The following KERA variants were observed in gnomAD, a reference collection of about 807,000 sequenced individuals.
KERA encodes keratocan.
In KERA, 25 loss-of-function variants were observed where a neutral mutation model predicts 26.4. That is an observed-to-expected ratio of 0.95 (90% CI 0.69 to 1.32). The LOEUF (loss-of-function observed/expected upper bound fraction) is 1.32. KERA is among the 40% of genes most tolerant of loss of function. The probability of loss-of-function intolerance (pLI) is 0.00; values close to 1 mark genes in which losing one functional copy is unlikely to be tolerated. For missense variants in KERA, 434 were observed against 408.9 expected (o/e 1.06, Z -0.53); for synonymous variants, 167 against 146.1 (o/e 1.14, Z -1.03).
Position 91,055,743 on chromosome 12 carries a change from T to C in KERA, c.539A>G (p.Asp180Gly). The change falls in exon 2 of 3, where the codon GAC becomes GGC. Residue 180 changes from aspartate (D) to glycine (G), a missense_variant. Coordinates refer to ENST00000266719, the MANE Select transcript of KERA (RefSeq NM_007035.4). ...AAAAGTGTCTCTTTGAAAGGCATTG[T>C]CCACTAATTTGTTGTTCTGTAGGTC... The part of the protein sequence containing the change: ...LLDLQNNKLV[D>G]NAFQRDTFKG... The C allele has an allele frequency of 6.2e-7, 1 of 1,611,508 alleles. No individual in the cohort carries two copies. Among genetic ancestry groups the C allele is most frequent in the Admixed American group, 1.7e-5 (1 of 59,742 alleles).
rs1878868265 is a variant in KERA, at chr12:91,051,537, TA to T, written c.887-20del. 17 of 1,572,926 alleles carry T rather than the reference TA, an allele frequency of 1.1e-5. No individual in the cohort carries two copies. The highest frequency in any genetic ancestry group is 1.3e-5 in the Non-Finnish European group (15 of 1,143,410). The stretch of plus-strand genomic sequence containing the variant: ...TTCACACCTACAGTGACAAAGAGAA[TA>T]GATGAATGAATTGGAACACAAGAGA... On this transcript the variant is annotated intron_variant, in intron 2 of 2. Transcript: ENST00000266719.
In KERA at chr12:91,051,429, G is replaced by C. The variant is rs775457945; in HGVS notation, c.976C>G (p.Arg326Gly). ...GGTTTGATTTCATTTCCATCCAGAC[G>C]GAGGTAGCGAAGATGAGGTCCATAA... Reference protein sequence around the residue: ...FSYGPHLRYLRLDGNEIKPPI... With the variant: ...FSYGPHLRYLGLDGNEIKPPI... The change falls in exon 3 of 3, where the codon CGT (arginine) becomes GGT (glycine). Residue 326 changes from arginine (R) to glycine (G), a missense_variant. Coordinates refer to ENST00000266719, the MANE Select transcript of KERA (RefSeq NM_007035.4). 15 of 1,610,902 alleles carry C rather than the reference G, an allele frequency of 9.3e-6. No individual in the cohort carries two copies. Among genetic ancestry groups the C allele is most frequent in the Non-Finnish European group, 1.3e-5 (15 of 1,177,796 alleles).
In KERA at chr12:91,055,751, T is replaced by C. The variant is rs755510675; in HGVS notation, c.531A>G (p.Lys177=). The change falls in exon 2 of 3, where the codon AAA becomes AAG. Residue 177 remains lysine, a synonymous_variant. Transcript: ENST00000266719. ...NLTLLDLQNN[K]LVDNAFQRDT... is the part of the protein sequence containing the mutation. Reference sequence around the variant, plus strand: ...CTCTTTGAAAGGCATTGTCCACTAATTTGTTGTTCTGTAGGTCAAGAAGGG... The same window carrying C: ...CTCTTTGAAAGGCATTGTCCACTAACTTGTTGTTCTGTAGGTCAAGAAGGG... 1 of 1,611,424 alleles carries C rather than the reference T, an allele frequency of 6.2e-7. No homozygotes were observed. Among genetic ancestry groups the C allele is most frequent in the Non-Finnish European group, 8.5e-7 (1 of 1,178,236 alleles).
intron 2 of KERA, among the ~76,000 whole-genome samples, chr12:91,054,406 C>A (rs1317208714): frequency 6.6e-6 from 1 of 151,304 alleles, no homozygotes; most frequent in Non-Finnish European, 1.5e-5. Flanking sequence ...CTGGAGAAAT[C>A]TCCCCAGAGT....
In KERA at chr12:91,055,463, T is replaced by C. The variant is rs1014044908; in HGVS notation, c.819A>G (p.Gln273=). ...SILDLQLSHN[Q]LTKVPRISAH... is the part of the protein sequence containing the mutation. Reference sequence around the variant, plus strand: ...CACTGATTCGGGGAACCTTTGTGAGTTGATTGTGCGACAGTTGAAGATCTA... The same window carrying C: ...CACTGATTCGGGGAACCTTTGTGAGCTGATTGTGCGACAGTTGAAGATCTA... The change falls in exon 2 of 3, where the codon CAA becomes CAG. Residue 273 remains glutamine, a synonymous_variant. Transcript: ENST00000266719. The C allele has an allele frequency of 1.2e-6, 2 of 1,610,326 alleles. No individual in the cohort carries two copies. Among genetic ancestry groups the C allele is most frequent in the Admixed American group, 1.7e-5 (1 of 59,656 alleles).
Position 91,056,265 on chromosome 12 carries a change from C to T in KERA, c.17G>A (p.Cys6Tyr). MAGTI[C>Y]FIMWVLFITD... ...TATGAATAACACCCACATGATGAAA[C>T]AGATTGTGCCTGCCATTATAGCACC... Residue 6 changes from cysteine (C) to tyrosine (Y), a missense_variant, in exon 2 of 3, where the codon TGT becomes TAT. Coordinates refer to ENST00000266719, the MANE Select transcript of KERA (RefSeq NM_007035.4). 6.2e-7 allele frequency: 1 copy of T among 1,609,166 alleles called. No individual in the cohort carries two copies. Among genetic ancestry groups the T allele is most frequent in the South Asian group, 1.1e-5 (1 of 90,946 alleles).
chr12:91,052,648 C>T (rs542089220), intron 2 of KERA, among the ~76,000 whole-genome samples: 2 of 151,464 alleles, frequency 1.3e-5, no homozygotes, highest in African/African-American at 4.8e-5. Flanking sequence ...CAGGCTTTAT[C>T]AGCCAATATT....
chr12:91,056,977 T>TC (rs1555186013), intron 1 of KERA, among the ~76,000 whole-genome samples: 11,717 of 147,014 alleles, frequency 0.08, 702 homozygotes, highest in African/African-American at 0.17. Flanking sequence ...CTCTCTCCCT[T>TC]TCTCTCTCTC....
intron 2 of KERA, among the ~76,000 whole-genome samples, chr12:91,052,547 A>G (rs1878893531): frequency 6.6e-6 from 1 of 151,548 alleles, no homozygotes; most frequent in South Asian, 2.1e-4. Context: ...TGAATTTAAT[A>G]AAAATAATGA....
In KERA at chr12:91,056,294, A is replaced by G; in HGVS notation, c.-8-5T>C. ...TTGTGCCTGCCATTATAGCACCTAC[A>G]GAAAAAGGAACACAACTGTTAGATA... On this transcript the variant is annotated splice_polypyrimidine_tract_variant and splice_region_variant and intron_variant, in intron 1 of 2. Transcript: ENST00000266719. 1.2e-6 allele frequency: 2 copies of G among 1,604,298 alleles called. No individual in the cohort carries two copies. Among genetic ancestry groups the G allele is most frequent in the Non-Finnish European group, 8.5e-7 (1 of 1,173,358 alleles).
Position 91,055,490 on chromosome 12 carries a change from A to T in KERA, c.792T>A (p.Ile264=), listed in dbSNP as rs765422498. ...LPSRGFDVSS[I]LDLQLSHNQL... ...GATTGTGCGACAGTTGAAGATCTAG[A>T]ATTGATGATACATCAAATCCTCTTG... The change falls in exon 2 of 3, where the codon ATT becomes ATA. Residue 264 remains isoleucine (I), a synonymous_variant. Coordinates refer to ENST00000266719, the MANE Select transcript of KERA (RefSeq NM_007035.4). The T allele has an allele frequency of 6.2e-7, 1 of 1,610,250 alleles. No homozygotes were observed. The highest frequency in any genetic ancestry group is 1.7e-4 in the Middle Eastern group (1 of 6,030).
Position 91,055,723 on chromosome 12 carries a change from T to A in KERA, c.559A>T (p.Thr187Ser), listed in dbSNP as rs753698147. 3.6e-5 allele frequency: 58 copies of A among 1,611,232 alleles called. No individual in the cohort carries two copies. The highest frequency in any genetic ancestry group is 4.9e-5 in the Non-Finnish European group (58 of 1,178,182). The change falls in exon 2 of 3, where the codon ACT (threonine) becomes TCT (serine). Residue 187 changes from threonine to serine, a missense_variant. By Grantham distance (58) the Thr-to-Ser change is moderately conservative (BLOSUM62 1). Coordinates refer to ENST00000266719, the MANE Select transcript of KERA (RefSeq NM_007035.4). ...ATGAGATTCTTGAGTCCTTTAAAAGTGTCTCTTTGAAAGGCATTGTCCACT... is the reference window on the plus strand; with the variant it reads ...ATGAGATTCTTGAGTCCTTTAAAAGAGTCTCTTTGAAAGGCATTGTCCACT... ...KLVDNAFQRDTFKGLKNLMQL... is the reference protein window; with the variant it reads ...KLVDNAFQRDSFKGLKNLMQL...
At chr12:91,052,938 A>G (rs1242914787) in intron 2 of KERA, among the ~76,000 whole-genome samples, 1 of 151,524 alleles carries the variant, frequency 6.6e-6, no homozygotes, top group African/African-American at 2.4e-5. Flanking sequence ...AGTGTTTCTC[A>G]GGGAACACCA....
chr12:91,057,377 TATA>T (rs1879036986), intron 1 of KERA, among the ~76,000 whole-genome samples: 27 of 328 alleles, frequency 0.082, no homozygotes, highest in African/African-American at 0.25. Flanking sequence ...TATATATTTA[TATA>T]TATATATATA....
Position 91,050,698 on chromosome 12 carries a change from T to A in KERA, c.*648A>T, listed in dbSNP as rs1247750977. On this transcript the variant is annotated 3_prime_UTR_variant, in exon 3 of 3. Transcript: ENST00000266719. ...TAATAAACATAAAATTTAGAACTTA[T>A]AAGAATGCAGTGGACTATATCTAAA... 1 of 152,048 alleles carries A rather than the reference T, an allele frequency of 6.6e-6. No individual in the cohort carries two copies. The allele number at this position is 152,048 out of a possible 1,614,324, so 9.4% of individuals were successfully genotyped here.
chr12:91,051,738 C>G (rs949140962), intron 2 of KERA, among the ~76,000 whole-genome samples: 6 of 151,632 alleles, frequency 4.0e-5, no homozygotes, highest in Non-Finnish European at 1.5e-5. Flanking sequence ...CCATGTTCTG[C>G]TACTTAGTAT....
In KERA at chr12:91,051,245, G is replaced by A. The variant is rs1169758222; in HGVS notation, c.*101C>T. On this transcript the variant is annotated 3_prime_UTR_variant, in exon 3 of 3. Transcript: ENST00000266719. ...GCACAAATGAAAATGGTGGCCGAGAGCAATGGGGAATATGACTTGTGTCCT... is the reference window on the plus strand; with the variant it reads ...GCACAAATGAAAATGGTGGCCGAGAACAATGGGGAATATGACTTGTGTCCT... The A allele has an allele frequency of 3.1e-6, 3 of 973,062 alleles. No homozygotes were observed. The highest frequency in any genetic ancestry group is 2.7e-4 in the Middle Eastern group (1 of 3,648). The allele number at this position is 973,062 out of a possible 1,614,324, so 60.3% of individuals were successfully genotyped here.
chr12:91,056,779 A>C (rs1879016733), intron 1 of KERA, among the ~76,000 whole-genome samples: 2 of 151,234 alleles, frequency 1.3e-5, no homozygotes, highest in African/African-American at 4.8e-5. Context: ...AAAGGAATGA[A>C]GGGATCAAAG....
In KERA at chr12:91,050,730, A is replaced by T. The variant is rs1361229519; in HGVS notation, c.*616T>A. 1 of 152,344 alleles carries T rather than the reference A, an allele frequency of 6.6e-6. No individual in the cohort carries two copies. Among genetic ancestry groups the T allele is most frequent in the Non-Finnish European group, 1.5e-5 (1 of 67,930 alleles). 9.4% of individuals were successfully genotyped at this position (152,344 alleles called of 1,614,324 possible). ...GCAGTGGACTATATCTAAAAACAAC[A>T]GCTACAAGAAATGGTAATGAACTAG... is the stretch of plus-strand genomic sequence containing the variant. On this transcript the variant is annotated 3_prime_UTR_variant, in exon 3 of 3. Transcript: ENST00000266719.
Sources: gnomAD v4.1 joint callset for allele counts (sites outside exome capture counted in the v4.1 genomes callset) on GRCh38, gnomAD v4.1.1 for gene constraint, MANE v1.5 for transcripts, NCBI Gene and HGNC (gene_info 2026-07-23, HGNC 2026-07-21) for gene names.